PIK3C2G: variants seen among roughly 807,000 people sequenced by gnomAD.
The protein encoded by PIK3C2G is phosphatidylinositol-4-phosphate 3-kinase catalytic subunit type 2 gamma.
In PIK3C2G, 168 loss-of-function variants were observed where a neutral mutation model predicts 181.1. That is an observed-to-expected ratio of 0.93 (90% confidence interval 0.82 to 1.05). The LOEUF (loss-of-function observed/expected upper bound fraction) is 1.05. Ranked by LOEUF, PIK3C2G falls within the 50% of genes least tolerant of loss-of-function variation. The pLI is 0.00. For synonymous variants in PIK3C2G, 573 were observed against 592.2 expected (o/e 0.97, Z 0.47); for missense variants, 1,869 against 1,732.8 (o/e 1.08, Z -1.40).
chr12:18,349,064 G>A (rs1008298376), intron 11 of PIK3C2G, among the ~76,000 whole-genome samples: 1 of 152,168 alleles, frequency 6.6e-6, no homozygotes, highest in Non-Finnish European at 1.5e-5. Flanking sequence ...GCTTTTCCCA[G>A]AGCAGATGAT....
intron 19 of PIK3C2G, among the ~76,000 whole-genome samples, chr12:18,490,304 G>C (rs986852561): frequency 6.6e-6 from 1 of 152,064 alleles, no homozygotes; most frequent in African/African-American, 2.4e-5. Flanking sequence ...AATAAGCCAG[G>C]AGTAAAAGGT....
intron 18 of PIK3C2G, among the ~76,000 whole-genome samples, chr12:18,444,248 T>A (rs1421250344): frequency 6.6e-6 from 1 of 152,158 alleles, no homozygotes; most frequent in Non-Finnish European, 1.5e-5. Context: ...TCCTGGGCCT[T>A]TAGTAGTCTT....
intron 3 of PIK3C2G, among the ~76,000 whole-genome samples, chr12:18,288,592 G>A (rs1444373119): frequency 2.6e-5 from 4 of 152,104 alleles, no homozygotes; most frequent in African/African-American, 9.7e-5. Flanking sequence ...GGTCTTTAAT[G>A]TCATCAACAT....
intron 25 of PIK3C2G, among the ~76,000 whole-genome samples, chr12:18,542,762 G>A (rs946105150): frequency 2.0e-5 from 3 of 151,930 alleles, no homozygotes; most frequent in Admixed American, 6.6e-5. Context: ...AGGCTTCATA[G>A]TATTCTATGG....
intron 6 of PIK3C2G, among the ~76,000 whole-genome samples, chr12:18,316,677 C>T (rs1476159143): frequency 6.6e-6 from 1 of 152,002 alleles, no homozygotes; most frequent in East Asian, 1.9e-4. Context: ...TTGCAGTGAG[C>T]TGAGATCGCG....
chr12:18,723,587 A>T, the PIK3C2G span: 1 of 1,393,028 alleles, frequency 7.2e-7, no homozygotes, highest in Non-Finnish European at 1.0e-6. Context: ...AGTATAAAAA[A>T]TACATAAAAT....
At chr12:18,312,030 T>C (rs1950659027) in intron 5 of PIK3C2G, among the ~76,000 whole-genome samples, 1 of 152,164 alleles carries the variant, frequency 6.6e-6, no homozygotes, top group Non-Finnish European at 1.5e-5. Flanking sequence ...GCCAGTCTAG[T>C]CCTTCCACGT....
At position 18,497,695 on chromosome 12, in the gene PIK3C2G, G is replaced by C; in HGVS notation, c.2963G>C (p.Gly988Ala). ...QVMDNIWLQE[G>A]LDMQMIIYRC... ...ATGGACAATATTTGGCTGCAGGAAG[G>C]CTTGGATATGCAAATGATCATTTAT... Residue 988 changes from glycine to alanine, a missense_variant, in exon 22 of 33, where the codon GGC becomes GCC. By Grantham distance (60) the Gly-to-Ala change is moderately conservative. Transcript: ENST00000538779. 1.9e-6 allele frequency: 3 copies of C among 1,612,336 alleles called. No individual in the cohort carries two copies. Among genetic ancestry groups the C allele is most frequent in the South Asian group, 1.1e-5 (1 of 90,996 alleles).
At chr12:18,706,278 A>C in the PIK3C2G span, among the ~76,000 whole-genome samples, 1 of 152,048 alleles carries the variant, frequency 6.6e-6, no homozygotes, top group Non-Finnish European at 1.5e-5. Context: ...AGCTATCTAT[A>C]CTGCTATAGA....
chr12:18,614,440 T>C (rs1948498249), intron 31 of PIK3C2G, among the ~76,000 whole-genome samples: 1 of 152,106 alleles, frequency 6.6e-6, no homozygotes, highest in Admixed American at 6.6e-5. Context: ...AACTAGCCCT[T>C]CCTTTTTGAA....
In PIK3C2G at chr12:18,496,994, G is replaced by T. The variant is rs555338737; in HGVS notation, c.2887-625G>T. On this transcript the variant is annotated intron_variant, in intron 21 of 32. Transcript: ENST00000538779. ...ACGAAATTTCTTATTTGTTTAAAAG[G>T]ATAGAACTATCCTTCCCCTTTGGAC... Among the ~76,000 whole-genome samples the T allele has an allele frequency of 2.0e-5, 3 of 152,238 alleles. No individual in the cohort carries two copies. In the South Asian group the frequency reaches 6.2e-4, roughly 32 times the overall value.
chr12:18,423,516 C>G (rs1354020580), intron 17 of PIK3C2G, among the ~76,000 whole-genome samples: 2 of 152,006 alleles, frequency 1.3e-5, no homozygotes, highest in Non-Finnish European at 2.9e-5. Context: ...TAAGCAAAAC[C>G]TCAAGGCCTG....
At chr12:18,505,211 C>A in intron 23 of PIK3C2G, 81 bp from the exon 24 acceptor site, 1 of 1,200,570 alleles carries the variant, frequency 8.3e-7, no homozygotes, top group Non-Finnish European at 1.1e-6. Context: ...TTATCATTTA[C>A]TTTTTATGAT....
At chr12:18,504,020 C>G (rs1941673022) in intron 23 of PIK3C2G, among the ~76,000 whole-genome samples, 1 of 152,122 alleles carries the variant, frequency 6.6e-6, no homozygotes, top group Non-Finnish European at 1.5e-5. Context: ...AAGCTATGAT[C>G]TAGTACAGCT....
chr12:18,340,156 TA>T (rs1389350413), intron 9 of PIK3C2G, among the ~76,000 whole-genome samples: 1 of 152,176 alleles, frequency 6.6e-6, no homozygotes, highest in Non-Finnish European at 1.5e-5. Flanking sequence ...CATATTTTTC[TA>T]TTCTGCTTCA....
At chr12:18,485,731 T>A (rs539149050) in intron 18 of PIK3C2G, among the ~76,000 whole-genome samples, 1 of 152,304 alleles carries the variant, frequency 6.6e-6, no homozygotes, top group African/African-American at 2.4e-5. Flanking sequence ...CCCAGTCTTT[T>A]AATAGCAAGT....
chr12:18,252,832 A>G (rs1265671499), intron 1 of PIK3C2G, among the ~76,000 whole-genome samples: 2 of 152,198 alleles, frequency 1.3e-5, no homozygotes, highest in African/African-American at 2.4e-5. Flanking sequence ...GGGCAGGAGA[A>G]GGTCAGAGAG....
intron 18 of PIK3C2G, among the ~76,000 whole-genome samples, chr12:18,438,041 G>A (rs1357889785): frequency 1.3e-5 from 2 of 151,826 alleles, no homozygotes; most frequent in East Asian, 3.9e-4. Context: ...TAAGCAATAT[G>A]TGTTTTTTTA....
chr12:18,570,331 C>A (rs1334167050), intron 29 of PIK3C2G, among the ~76,000 whole-genome samples: 1 of 151,152 alleles, frequency 6.6e-6, no homozygotes, highest in Non-Finnish European at 1.5e-5. Context: ...GCCTCAGCCT[C>A]CCCAGTAGCT....
Sources: gnomAD v4.1 joint callset for allele counts (sites outside exome capture counted in the v4.1 genomes callset) on GRCh38, gnomAD v4.1.1 for gene constraint, MANE v1.5 for transcripts, NCBI Gene and HGNC (gene_info 2026-07-23, HGNC 2026-07-21) for gene names.